The following ELAC1 variants were observed in gnomAD, a reference collection of about 807,000 sequenced individuals.
The protein encoded by ELAC1 is zinc phosphodiesterase ELAC protein 1.
A neutral mutation model predicts 25.8 loss-of-function variants in ELAC1; 19 were observed. The ratio of observed to expected loss-of-function variants is 0.74; its 90% CI spans 0.51 to 1.08. The LOEUF is 1.08. ELAC1 is among the 50% of genes least tolerant of loss of function. ELAC1 has a pLI of 0.00. For synonymous variants in ELAC1, 148 were observed against 160.9 expected, an observed-to-expected ratio of 0.92 and a Z score of 0.61; for missense variants, 403 against 434.6, an observed-to-expected ratio of 0.93 and a Z score of 0.65.
At chr18:50,968,156 C>T (rs1399304441) in intron 1 of ELAC1, 42 bp downstream of exon 1, 4 of 152,158 alleles carry the variant, frequency 2.6e-5, no homozygotes, top group Admixed American at 6.6e-5. Context: ...GGGCGCGCTT[C>T]CTCGGGACTC....
At chr18:50,982,802 GTTC>G (rs1218860144) in intron 2 of ELAC1, among the ~76,000 whole-genome samples, 11 of 152,108 alleles carry the variant, frequency 7.2e-5, no homozygotes, top group African/African-American at 2.7e-4. Context: ...TTCCTTCTCA[GTTC>G]TTCATCTTTT....
chr18:50,976,375 T>G lies in ELAC1; in HGVS notation c.157+1814T>G, dbSNP rs143630957. On this transcript the variant is annotated intron_variant, in intron 2 of 3. Transcript: ENST00000269466. ...AAAAAGAGGTTTAATGGACTCGCAG[T>G]TCACATGGCTGGGGAGGCCTCACAA... 3.9e-5 allele frequency among the ~76,000 whole-genome samples: 6 copies of G among 152,222 alleles called. No individual in the cohort carries two copies. The East Asian group carries it at 9.7e-4, about 24-fold the overall frequency.
At chr18:50,976,929 C>G (rs931739442) in intron 2 of ELAC1, among the ~76,000 whole-genome samples, 1 of 152,194 alleles carries the variant, frequency 6.6e-6, no homozygotes, top group Non-Finnish European at 1.5e-5. Context: ...ATAGGCCCCA[C>G]GCAAGTCCAA....
chr18:50,978,281 T>G (rs1258714423), intron 2 of ELAC1, among the ~76,000 whole-genome samples: 1 of 152,150 alleles, frequency 6.6e-6, no homozygotes, highest in Non-Finnish European at 1.5e-5. Context: ...ACCAATTTAC[T>G]GTATCAGGCC....
At chr18:50,969,541 A>T (rs529821838) in intron 1 of ELAC1, 1 of 152,246 alleles carries the variant, frequency 6.6e-6, no homozygotes, top group Admixed American at 6.5e-5. Context: ...CAGCAAATAC[A>T]TGCAAAAGAA....
intron 1 of ELAC1, chr18:50,968,522 G>A (rs1022892971): frequency 3.3e-5 from 5 of 152,336 alleles, no homozygotes; most frequent in Non-Finnish European, 7.3e-5. Flanking sequence ...AAGGAGCGCC[G>A]GTTCTCAACC....
intron 1 of ELAC1, among the ~76,000 whole-genome samples, chr18:50,971,725 T>A (rs1220065480): frequency 6.6e-6 from 1 of 151,894 alleles, no homozygotes; most frequent in African/African-American, 2.4e-5. Flanking sequence ...TTCCACTAAC[T>A]ACCTGGAGAC....
At chr18:50,971,971 T>C (rs1428637594) in intron 1 of ELAC1, among the ~76,000 whole-genome samples, 1 of 146,170 alleles carries the variant, frequency 6.8e-6, no homozygotes, top group Non-Finnish European at 1.5e-5. Flanking sequence ...GTTGCACAAG[T>C]ATTTTTGTAT....
rs1908156213 is a variant in ELAC1 at position 50,987,917 on chromosome 18, A to G, written c.*832A>G. 1 of 152,238 alleles carries G rather than the reference A, an allele frequency of 6.6e-6. No homozygotes were observed. Among genetic ancestry groups the G allele is most frequent in the African/African-American group, 2.4e-5 (1 of 41,470 alleles). The allele number at this position is 152,238 out of a possible 1,614,324, so 9.4% of individuals were successfully genotyped here. Reference sequence around the variant, plus strand: ...ACTCTTGATGTGAATATAGTTTACCAAAATTAGTGACATAATGAGTGGAAT... The same window carrying G: ...ACTCTTGATGTGAATATAGTTTACCGAAATTAGTGACATAATGAGTGGAAT... On this transcript the variant is annotated 3_prime_UTR_variant, in exon 4 of 4. Transcript: ENST00000269466.
intron 2 of ELAC1, among the ~76,000 whole-genome samples, chr18:50,978,550 A>G (rs779446636): frequency 9.2e-5 from 14 of 152,034 alleles, no homozygotes; most frequent in Admixed American, 8.5e-4. Context: ...CCATGATTCA[A>G]TTACTTCCCA....
At position 50,984,189 on chromosome 18, in the gene ELAC1, C is replaced by A; in HGVS notation, c.251C>A (p.Ser84Tyr). The A allele has an allele frequency of 1.2e-6, 2 of 1,614,130 alleles. No individual in the cohort carries two copies. Among genetic ancestry groups the A allele is most frequent in the Non-Finnish European group, 1.7e-6 (2 of 1,180,028 alleles). Residue 84 changes from serine to tyrosine, a missense_variant, in exon 3 of 4, where the codon TCC (serine) becomes TAC (tyrosine). Transcript: ENST00000269466. ...TGCACAATCAGCCTGCAGAGTGGCT[C>A]CATGGTGTCCAAACAGCCTATTGAA... ...LLCTISLQSG[S>Y]MVSKQPIEIY...
At chr18:50,975,348 A>T (rs549162824) in intron 2 of ELAC1, among the ~76,000 whole-genome samples, 9 of 152,068 alleles carry the variant, frequency 5.9e-5, no homozygotes, top group Admixed American at 1.3e-4. Context: ...GGCTTTCCCA[A>T]ATCCTCCTGG....
Position 50,984,100 on chromosome 18 carries a change from A to G in ELAC1, c.162A>G (p.Arg54=), listed in dbSNP as rs1458945405. The change falls in exon 3 of 4, where the codon AGA becomes AGG. Residue 54 remains arginine (R), a synonymous_variant. Transcript: ENST00000269466. Reference sequence around the variant, plus strand: ...TTTCTCTATCTCAATCAAAAGGGAGAATTACCAAGATCTTCATCACACACC... The same window carrying G: ...TTTCTCTATCTCAATCAAAAGGGAGGATTACCAAGATCTTCATCACACACC... ...QLMKSQLKAG[R]ITKIFITHLH... 1 of 1,571,112 alleles carries G rather than the reference A, an allele frequency of 6.4e-7. No individual in the cohort carries two copies. The highest frequency in any genetic ancestry group is 1.4e-5 in the African/African-American group (1 of 72,938).
At chr18:50,978,031 T>A (rs556264386) in intron 2 of ELAC1, among the ~76,000 whole-genome samples, 24 of 152,284 alleles carry the variant, frequency 1.6e-4, no homozygotes, top group African/African-American at 4.8e-4. Flanking sequence ...GTTCCTCATC[T>A]CCATCTGAGA....
At chr18:50,972,703 A>C (rs1907699382) in intron 1 of ELAC1, among the ~76,000 whole-genome samples, 1 of 152,074 alleles carries the variant, frequency 6.6e-6, no homozygotes, top group African/African-American at 2.4e-5. Context: ...GGCTGCTCTC[A>C]AACTCCTGAC....
At chr18:50,983,257 G>A (rs542849092) in intron 2 of ELAC1, among the ~76,000 whole-genome samples, 1 of 148,656 alleles carries the variant, frequency 6.7e-6, no homozygotes, top group Non-Finnish European at 1.5e-5. Flanking sequence ...CGCCTCCTGG[G>A]TTCAAGTAAT....
intron 3 of ELAC1, among the ~76,000 whole-genome samples, chr18:50,986,011 C>CTTTTTTTTTTTTTTTT (rs34348056): frequency 1.2e-5 from 1 of 85,010 alleles, no homozygotes; most frequent in Non-Finnish European, 2.2e-5. Context: ...TTGATTATAT[C>CTTTTTTTTTTTTTTTT]TTTTTTTTTT....
chr18:50,980,777 A>G (rs1907926576), intron 2 of ELAC1, among the ~76,000 whole-genome samples: 1 of 151,828 alleles, frequency 6.6e-6, no homozygotes, highest in South Asian at 2.1e-4. Flanking sequence ...AAAAAAAAAA[A>G]AAAAAGAAAA....
chr18:50,986,464 A>T (rs758446958), intron 3 of ELAC1, among the ~76,000 whole-genome samples, 155 bp from the exon 4 acceptor site: 12 of 152,086 alleles, frequency 7.9e-5, no homozygotes, highest in Non-Finnish European at 1.5e-4. Context: ...CTGAAATTTT[A>T]AAAATGTATA....
Sources: allele counts gnomAD v4.1 joint callset (sites outside exome capture counted in the v4.1 genomes callset), GRCh38; gene constraint gnomAD v4.1.1; transcripts MANE v1.5; gene names NCBI Gene and HGNC (gene_info 2026-07-23, HGNC 2026-07-21).